The following ZBTB20 variants were observed in gnomAD, a reference collection of about 807,000 sequenced individuals.
ZBTB20 encodes zinc finger and BTB domain containing 20, also known as zinc finger and BTB domain-containing protein 20.
Under a neutral mutation model 56.9 loss-of-function variants are expected in ZBTB20, and 9 were observed. That is an observed-to-expected ratio of 0.16 (90% CI 0.10 to 0.28). The LOEUF is 0.28. ZBTB20 is among the 10% of genes least tolerant of loss of function. The probability of loss-of-function intolerance (pLI) is 1.00; values close to 1 mark genes in which losing one functional copy is unlikely to be tolerated. For synonymous variants in ZBTB20, 417 were observed against 420.7 expected (o/e 0.99, Z 0.11); for missense variants, 655 against 1,003.0 (o/e 0.65, Z 4.69).
intron 1 of ZBTB20, among the ~76,000 whole-genome samples, chr3:115,083,164 AT>A (rs941583522): frequency 2.6e-5 from 4 of 152,028 alleles, no homozygotes; most frequent in African/African-American, 7.2e-5. Context: ...GCATACAACT[AT>A]TTTATCATTC....
intron 6 of ZBTB20, among the ~76,000 whole-genome samples, chr3:114,651,550 T>TAAAAAAAAAAAAAA (rs57059379): frequency 3.3e-5 from 3 of 91,408 alleles, no homozygotes; most frequent in Non-Finnish European, 5.2e-5. Flanking sequence ...GGTTGGATAG[T>TAAAAAAAAAAAAAA]AAAAAAAAAA....
chr3:114,549,095 A>C (rs1458353806), intron 6 of ZBTB20, among the ~76,000 whole-genome samples: 1 of 152,232 alleles, frequency 6.6e-6, no homozygotes, highest in Non-Finnish European at 1.5e-5. Context: ...TTCTATAGCT[A>C]TTCTATATAA....
At chr3:114,364,423 C>T (rs1005422738) in intron 10 of ZBTB20, among the ~76,000 whole-genome samples, 3 of 152,188 alleles carry the variant, frequency 2.0e-5, no homozygotes, top group South Asian at 2.1e-4. Flanking sequence ...TGCACTCCAG[C>T]CTAGGCAACA....
chr3:114,644,929 C>T (rs866036337), intron 6 of ZBTB20, among the ~76,000 whole-genome samples: 3 of 151,994 alleles, frequency 2.0e-5, no homozygotes, highest in African/African-American at 7.2e-5. Context: ...AAACAGAAAA[C>T]TAATCTAGAC....
intron 4 of ZBTB20, among the ~76,000 whole-genome samples, chr3:114,870,005 G>A (rs2075927156): frequency 6.6e-6 from 1 of 152,058 alleles, no homozygotes; most frequent in African/African-American, 2.4e-5. Flanking sequence ...CAGTAGGGTG[G>A]CACCAAGTTC....
chr3:114,982,965 C>G (rs2078390759), intron 2 of ZBTB20, among the ~76,000 whole-genome samples: 1 of 151,976 alleles, frequency 6.6e-6, no homozygotes, highest in South Asian at 2.1e-4. Flanking sequence ...ATCTCTATAT[C>G]ATCCTACACA....
In ZBTB20 at chr3:115,072,985, T is replaced by C. The variant is rs1363018226; in HGVS notation, c.-702-1571A>G. On this transcript the variant is annotated intron_variant, in intron 1 of 11. Coordinates refer to ENST00000675478, the MANE Select transcript of ZBTB20 (RefSeq NM_001348800.3). ...ATTGTTGTGAAGAATAATAAGATAA[T>C]ATTTACCTCACAGTTTAGTTATAAG... Among the ~76,000 whole-genome samples the C allele has an allele frequency of 7.9e-5, 12 of 152,320 alleles. No individual in the cohort carries two copies. In the East Asian group the frequency reaches 2.3e-3, roughly 29 times the overall value.
chr3:114,351,072 C>T lies in ZBTB20; in HGVS notation c.1006G>A (p.Asp336Asn). The T allele has an allele frequency of 6.2e-7, 1 of 1,611,198 alleles. No homozygotes were observed. The highest frequency in any genetic ancestry group is 1.6e-4 in the Middle Eastern group (1 of 6,062). The part of the protein sequence containing the change: ...NIHIKQEMED[D>N]YDYYGQQRVQ... ...CTTTGCTGCCCGTAGTAGTCGTAAT[C>T]GTCCTCCATCTCCTGCTTGATGTGG... The change falls in exon 11 of 12, where the codon GAT (aspartate) becomes AAT (asparagine). Residue 336 changes from aspartate to asparagine, a missense_variant. Physicochemically the swap from Asp to Asn is conservative, Grantham distance 23. This residue lies in a region of ZBTB20 where 167 missense variants were observed against 281.9 expected (regional missense o/e 0.59). Coordinates refer to ENST00000675478, the MANE Select transcript of ZBTB20 (RefSeq NM_001348800.3).
chr3:115,080,146 A>G (rs952094362), intron 1 of ZBTB20, among the ~76,000 whole-genome samples: 1 of 152,188 alleles, frequency 6.6e-6, no homozygotes, highest in African/African-American at 2.4e-5. Context: ...TACTCTTATA[A>G]AAGAGACCCC....
chr3:114,375,186 C>G (rs185102704), intron 10 of ZBTB20, among the ~76,000 whole-genome samples: 5 of 152,314 alleles, frequency 3.3e-5, no homozygotes, highest in Non-Finnish European at 7.4e-5. Flanking sequence ...AAAGCCTTAC[C>G]TAGAGTTTAA....
chr3:114,691,736 G>A (rs117516155), intron 6 of ZBTB20, among the ~76,000 whole-genome samples: 4,812 of 151,856 alleles, frequency 0.032, 189 homozygotes, highest in Admixed American at 0.13. Flanking sequence ...ATATATCCTC[G>A]GGGAAAATGA....
chr3:114,664,731 T>C (rs921574113), intron 6 of ZBTB20, among the ~76,000 whole-genome samples: 5 of 151,830 alleles, frequency 3.3e-5, no homozygotes, highest in South Asian at 2.1e-4. Context: ...AAAACTGGGG[T>C]ACTCATGGTT....
chr3:114,373,466 T>C (rs1042241230), intron 10 of ZBTB20, among the ~76,000 whole-genome samples: 2 of 152,226 alleles, frequency 1.3e-5, no homozygotes, highest in African/African-American at 4.8e-5. Flanking sequence ...TTCTGAAAAC[T>C]CTGCGCTCTG....
chr3:114,449,676 C>T (rs934110025), intron 7 of ZBTB20, among the ~76,000 whole-genome samples: 2 of 133,700 alleles, frequency 1.5e-5, no homozygotes, highest in Non-Finnish European at 3.3e-5. Context: ...CTTTGGAAGC[C>T]TAGCTTTAAA....
intron 4 of ZBTB20, among the ~76,000 whole-genome samples, chr3:114,825,633 G>A (rs189341332): frequency 5.9e-5 from 9 of 151,910 alleles, no homozygotes; most frequent in African/African-American, 1.7e-4. Context: ...ATCGCAAAGC[G>A]ACAGGAATTA....
intron 4 of ZBTB20, among the ~76,000 whole-genome samples, chr3:114,862,812 CT>C (rs558001174): frequency 1.4e-3 from 220 of 152,188 alleles, no homozygotes; most frequent in Admixed American, 5.0e-3. Context: ...TAAACATTTT[CT>C]TTTGGAAGCA....
intron 6 of ZBTB20, among the ~76,000 whole-genome samples, chr3:114,608,190 C>A (rs1237046995): frequency 6.6e-6 from 1 of 152,190 alleles, no homozygotes; most frequent in African/African-American, 2.4e-5. Flanking sequence ...ATTCTTTACT[C>A]ACTTGAAATG....
At chr3:115,079,889 T>TA (rs1407007461) in intron 1 of ZBTB20, among the ~76,000 whole-genome samples, 1 of 152,178 alleles carries the variant, frequency 6.6e-6, no homozygotes, top group Non-Finnish European at 1.5e-5. Flanking sequence ...ATACTAGAAA[T>TA]AGAGTGCCTA....
intron 6 of ZBTB20, among the ~76,000 whole-genome samples, chr3:114,649,895 T>C (rs1391859586): frequency 6.6e-6 from 1 of 151,890 alleles, no homozygotes; most frequent in Non-Finnish European, 1.5e-5. Context: ...ATAACAACAA[T>C]ATACACTACA....
Sources: allele counts gnomAD v4.1 joint callset (sites outside exome capture counted in the v4.1 genomes callset), GRCh38; gene constraint gnomAD v4.1.1; regional missense constraint gnomAD v4.1.1; transcripts MANE v1.5; gene names NCBI Gene and HGNC (gene_info 2026-07-23, HGNC 2026-07-21).